The following PP2D1 variants were observed in gnomAD, a reference collection of about 807,000 sequenced individuals.
PP2D1 encodes the protein protein phosphatase 2C-like domain-containing protein 1.
A neutral mutation model predicts 30.2 loss-of-function variants in PP2D1; 25 were observed. That is an observed-to-expected ratio of 0.83 (90% CI 0.60 to 1.16). The LOEUF (loss-of-function observed/expected upper bound fraction) is 1.16, where lower values mean the gene tolerates loss of function less well. Ranked by LOEUF, PP2D1 falls within the 50% of genes most tolerant of loss-of-function variation. PP2D1 has a pLI of 0.00. For missense variants in PP2D1, 760 were observed against 742.4 expected (o/e 1.02, Z -0.28); for synonymous variants, 260 against 258.9 (o/e 1.00, Z -0.04).
chr3:19,994,666 A>G (rs1385110608), intron 2 of PP2D1, among the ~76,000 whole-genome samples: 1 of 152,230 alleles, frequency 6.6e-6, no homozygotes, highest in Non-Finnish European at 1.5e-5. Flanking sequence ...TCAAGATACA[A>G]TAACAGTGAC....
At chr3:19,997,226 G>A (rs1697192008) in intron 2 of PP2D1, among the ~76,000 whole-genome samples, 1 of 149,594 alleles carries the variant, frequency 6.7e-6, no homozygotes, top group Non-Finnish European at 1.5e-5. Flanking sequence ...GTGACGACTT[G>A]TAATACAGCA....
At chr3:19,990,235 C>T (rs534841469) in intron 2 of PP2D1, among the ~76,000 whole-genome samples, 1 of 152,030 alleles carries the variant, frequency 6.6e-6, no homozygotes, top group South Asian at 2.1e-4. Flanking sequence ...GCCTTGACCT[C>T]CCTGGGCTCA....
chr3:19,988,053 GTGA>G (rs922488991), intron 2 of PP2D1, among the ~76,000 whole-genome samples: 2 of 152,160 alleles, frequency 1.3e-5, no homozygotes, highest in Admixed American at 6.5e-5. Flanking sequence ...TCAGGACCCT[GTGA>G]TGATTGCGTT....
At chr3:20,003,438 A>T (rs1460564501) in intron 1 of PP2D1, among the ~76,000 whole-genome samples, 1 of 151,608 alleles carries the variant, frequency 6.6e-6, no homozygotes, top group Non-Finnish European at 1.5e-5. Context: ...AATAATTTTA[A>T]TTTTTTAATA....
At chr3:19,993,136 A>G (rs1697138095) in intron 2 of PP2D1, among the ~76,000 whole-genome samples, 1 of 152,352 alleles carries the variant, frequency 6.6e-6, no homozygotes, top group South Asian at 2.1e-4. Flanking sequence ...TGAGCTTATG[A>G]GACAGAAAGC....
Position 19,985,938 on chromosome 3 carries a change from G to A in PP2D1, c.1335C>T (p.Asp445=). 1.3e-6 allele frequency: 2 copies of A among 1,536,288 alleles called. No homozygotes were observed. Among genetic ancestry groups the A allele is most frequent in the Non-Finnish European group, 1.7e-6 (2 of 1,146,920 alleles). The change falls in exon 3 of 3, where the codon GAC becomes GAT. Residue 445 remains aspartate, a synonymous_variant. Coordinates refer to ENST00000389050, the MANE Select transcript of PP2D1 (RefSeq NM_001252657.2). ...APQTISVPID[D]LCQFLIVATN... ...TAGCTACAATAAGGAATTGACATAGGTCATCTATAGGGACAGAAATAGTTT... is the reference window on the plus strand; with the variant it reads ...TAGCTACAATAAGGAATTGACATAGATCATCTATAGGGACAGAAATAGTTT...
rs1355599760 is a variant in PP2D1 at position 20,001,086 on chromosome 3, G to T, written c.1034C>A (p.Ser345Tyr). 1 of 1,403,874 alleles carries T rather than the reference G, an allele frequency of 7.1e-7. No homozygotes were observed. Among genetic ancestry groups the T allele is most frequent in the Non-Finnish European group, 9.2e-7 (1 of 1,081,190 alleles). 87.0% of individuals were successfully genotyped at this position (1,403,874 alleles called of 1,614,324 possible). ...TATTTTTGGCATCTCCTGGGAAGGG[G>T]AGCTCTCTGCCAACCCATCATGGGT... ...KNTHDGLAESSPSQEMPKIIS... is the reference protein window; with the variant it reads ...KNTHDGLAESYPSQEMPKIIS... The change falls in exon 2 of 3, where the codon TCC becomes TAC. Residue 345 changes from serine (S) to tyrosine (Y), a missense_variant. This residue lies in a region of PP2D1 where 17 missense variants were observed against 37.4 expected (regional missense o/e 0.45). Coordinates refer to ENST00000389050, the MANE Select transcript of PP2D1 (RefSeq NM_001252657.2).
chr3:20,010,991 G>A (rs1265121318), intron 1 of PP2D1, among the ~76,000 whole-genome samples: 1 of 152,138 alleles, frequency 6.6e-6, no homozygotes, highest in East Asian at 1.9e-4. Context: ...AACAGGTCAG[G>A]TGGAGCCAAG....
At chr3:19,984,452 C>G, downstream of PP2D1, 1 of 226,224 alleles carries the variant, frequency 4.4e-6, no homozygotes, top group Non-Finnish European at 8.8e-6. Context: ...CAAATGCAAC[C>G]CCATCTTGTT....
intron 1 of PP2D1, among the ~76,000 whole-genome samples, chr3:20,009,168 G>T (rs887629556): frequency 6.6e-6 from 1 of 152,058 alleles, no homozygotes; most frequent in Non-Finnish European, 1.5e-5. Flanking sequence ...TGGTTTAAGA[G>T]AAAATGAACT....
At chr3:19,995,927 T>C (rs57382802) in intron 2 of PP2D1, among the ~76,000 whole-genome samples, 4,022 of 151,818 alleles carry the variant, frequency 0.026, 169 homozygotes, top group African/African-American at 0.092. Flanking sequence ...CAAATGAAAA[T>C]CAAAATATAA....
intron 1 of PP2D1, among the ~76,000 whole-genome samples, chr3:20,005,925 C>T (rs1203015059): frequency 5.3e-5 from 8 of 151,548 alleles, no homozygotes; most frequent in Non-Finnish European, 8.8e-5. Context: ...ATTATGTTAT[C>T]TATCTTTCCA....
chr3:19,996,046 A>G, intron 2 of PP2D1, among the ~76,000 whole-genome samples: 1 of 152,208 alleles, frequency 6.6e-6, no homozygotes. Context: ...TAGGAAATCC[A>G]GGACAAACTA....
chr3:20,005,820 C>T (rs1161618152), intron 1 of PP2D1, among the ~76,000 whole-genome samples: 4 of 152,152 alleles, frequency 2.6e-5, no homozygotes, highest in Admixed American at 2.6e-4. Context: ...TTTTTGTCTT[C>T]CCACCCCACT....
At chr3:19,996,721 T>C (rs1211507717) in intron 2 of PP2D1, 1 of 151,806 alleles carries the variant, frequency 6.6e-6, no homozygotes, top group East Asian at 1.9e-4. Flanking sequence ...AACATATTTT[T>C]TTTTTTAAAA....
chr3:20,011,596 C>T (rs1289966935), intron 1 of PP2D1, among the ~76,000 whole-genome samples: 3 of 151,918 alleles, frequency 2.0e-5, no homozygotes, highest in Non-Finnish European at 2.9e-5. Context: ...GTCAGGAATT[C>T]GAGACCAGCC....
chr3:20,011,029 G>A lies in PP2D1; in HGVS notation c.23+1021C>T, dbSNP rs548672032. 1.6e-4 allele frequency among the ~76,000 whole-genome samples: 24 copies of A among 152,128 alleles called. 1 individual carries two copies. Among genetic ancestry groups the A allele is most frequent in the Middle Eastern group, 3.4e-3 (1 of 294 alleles). On this transcript the variant is annotated intron_variant, in intron 1 of 2. Transcript: ENST00000389050. ...CAAAGTCCCATTATTGTGCCCAACC[G>A]GGAACCTAGCCCTTCATCTGGCTAG...
chr3:19,983,310 T>C (rs974458630), downstream of PP2D1, among the ~76,000 whole-genome samples: 4 of 129,862 alleles, frequency 3.1e-5, no homozygotes, highest in Non-Finnish European at 6.2e-5. Flanking sequence ...CACTCCAGCC[T>C]AGGTGAGCCT....
chr3:20,011,961 A>T (rs1297519281), intron 1 of PP2D1, 89 bp downstream of exon 1: 7 of 1,008,136 alleles, frequency 6.9e-6, no homozygotes, highest in Non-Finnish European at 1.0e-5. Context: ...GTTTCATCTG[A>T]TAATTAAGAA....
Sources: allele counts gnomAD v4.1 joint callset (sites outside exome capture counted in the v4.1 genomes callset), GRCh38; gene constraint gnomAD v4.1.1; regional missense constraint gnomAD v4.1.1; transcripts MANE v1.5; gene names NCBI Gene and HGNC (gene_info 2026-07-23, HGNC 2026-07-21).